PARD3B: variants seen among roughly 807,000 people sequenced by gnomAD.
PARD3B encodes the protein partitioning defective 3 homolog B.
Under a neutral mutation model 130.2 loss-of-function variants are expected in PARD3B, and 103 were observed. That is an observed-to-expected ratio of 0.79 (90% CI 0.67 to 0.93). The LOEUF is 0.93. Among genes scored for constraint, PARD3B ranks in the 40% least tolerant of loss-of-function variants. PARD3B has a pLI of 0.00. For synonymous variants in PARD3B, 583 were observed against 553.2 expected (o/e 1.05, Z -0.76); for missense variants, 1,609 against 1,499.2 (o/e 1.07, Z -1.21).
At chr2:205,052,994 T>C (rs2125428070) in intron 4 of PARD3B, among the ~76,000 whole-genome samples, 1 of 152,148 alleles carries the variant, frequency 6.6e-6, no homozygotes, top group South Asian at 2.1e-4. Context: ...GAAGGGAAAA[T>C]ACAGTGTTCT....
rs138647086 is a variant in PARD3B at position 205,031,584 on chromosome 2, T to C, written c.395-15997T>C. On this transcript the variant is annotated intron_variant, in intron 3 of 22. Coordinates refer to ENST00000406610, the MANE Select transcript of PARD3B (RefSeq NM_001302769.2). The stretch of plus-strand genomic sequence containing the variant: ...GAGTGGTAGGCCTATGTTGTTGAAT[T>C]TTTATCATATTTCCCCTCATCTTGG... Among the ~76,000 whole-genome samples the C allele has an allele frequency of 3.3e-4, 51 of 152,294 alleles. 1 individual carries two copies. Among genetic ancestry groups the C allele is most frequent in the South Asian group, 8.3e-4 (4 of 4,818 alleles).
At chr2:204,607,948 C>T (rs1471997709) in intron 1 of PARD3B, among the ~76,000 whole-genome samples, 11 of 152,146 alleles carry the variant, frequency 7.2e-5, no homozygotes, top group Non-Finnish European at 1.2e-4. Flanking sequence ...ACAATTTGGA[C>T]ATTTAGGAAC....
In PARD3B at chr2:204,626,202, C is replaced by T. The variant is rs144775302; in HGVS notation, c.121-59979C>T. On this transcript the variant is annotated intron_variant, in intron 1 of 22. Coordinates refer to ENST00000406610, the MANE Select transcript of PARD3B (RefSeq NM_001302769.2). ...GTCTGGGTGGCAGATTTTTGAAATG[C>T]CCTAATAAATAACTAAAGAGAAAGC... is the stretch of plus-strand genomic sequence containing the variant. 5.4e-3 allele frequency among the ~76,000 whole-genome samples: 818 copies of T among 152,020 alleles called. 3 individuals are homozygous for T. Among genetic ancestry groups the T allele is most frequent in the Non-Finnish European group, 8.3e-3 (563 of 67,984 alleles).
intron 4 of PARD3B, among the ~76,000 whole-genome samples, chr2:205,060,879 C>T (rs1388822682): frequency 6.6e-6 from 1 of 152,002 alleles, no homozygotes; most frequent in Non-Finnish European, 1.5e-5. Context: ...GGCAGTTTCA[C>T]TAGGGTCATG....
At chr2:204,589,227 A>G (rs2032970216) in intron 1 of PARD3B, among the ~76,000 whole-genome samples, 1 of 152,176 alleles carries the variant, frequency 6.6e-6, no homozygotes, top group Admixed American at 6.5e-5. Context: ...TAAAACAACT[A>G]CTAGAAAATG....
At chr2:205,410,974 T>C (rs2046577152) in intron 19 of PARD3B, among the ~76,000 whole-genome samples, 1 of 152,200 alleles carries the variant, frequency 6.6e-6, no homozygotes, top group Non-Finnish European at 1.5e-5. Context: ...CTCCAAACTT[T>C]GAATATGCTT....
chr2:204,816,188 TTCTGA>T (rs2043139840), intron 2 of PARD3B, among the ~76,000 whole-genome samples: 1 of 151,924 alleles, frequency 6.6e-6, no homozygotes, highest in African/African-American at 2.4e-5. Context: ...GTTTCTGTCC[TTCTGA>T]TCATTGTGCT....
intron 1 of PARD3B, among the ~76,000 whole-genome samples, chr2:204,636,304 G>T (rs574660288): frequency 3.3e-5 from 5 of 152,038 alleles, no homozygotes; most frequent in Non-Finnish European, 7.4e-5. Flanking sequence ...ATTTCAGAGC[G>T]CTGTCTTCAT....
At chr2:204,650,284 T>TA (rs1429298665) in intron 1 of PARD3B, among the ~76,000 whole-genome samples, 1 of 152,130 alleles carries the variant, frequency 6.6e-6, no homozygotes, top group East Asian at 1.9e-4. Context: ...AGGGAACACT[T>TA]ACACATTATT....
In PARD3B at chr2:205,585,726, G is replaced by A. The variant is rs2054173045; in HGVS notation, c.3261-29730G>A. On this transcript the variant is annotated intron_variant, in intron 22 of 22. Coordinates refer to ENST00000406610, the MANE Select transcript of PARD3B (RefSeq NM_001302769.2). This position sits in a 1 kb window ranked among gnomAD's most constrained non-coding sequence, Gnocchi z 5.4. ...CTGCCTCTTCAGGTTTTAGGGCTTT[G>A]AAGGTGGGGAATCAGGAGTCAGCTG... Among the ~76,000 whole-genome samples the A allele has an allele frequency of 6.6e-6, 1 of 152,210 alleles. No individual in the cohort carries two copies. The highest frequency in any genetic ancestry group is 2.4e-5 in the African/African-American group (1 of 41,456).
At chr2:204,687,097 A>AT (rs970125872) in intron 2 of PARD3B, among the ~76,000 whole-genome samples, 2 of 151,772 alleles carry the variant, frequency 1.3e-5, no homozygotes, top group African/African-American at 2.4e-5. Context: ...GTTTCTCTAT[A>AT]TTTTTTCCCT....
chr2:205,351,524 G>A lies in PARD3B; in HGVS notation c.2631-49489G>A, dbSNP rs1172170501. 6.6e-6 allele frequency among the ~76,000 whole-genome samples: 1 copy of A among 152,078 alleles called. No individual in the cohort carries two copies. Among genetic ancestry groups the A allele is most frequent in the African/African-American group, 2.4e-5 (1 of 41,422 alleles). On this transcript the variant is annotated intron_variant, in intron 18 of 22. Transcript: ENST00000406610. The surrounding 1 kb of genome is among the most constrained non-coding windows in gnomAD (Gnocchi z 4.2). ...CAATTTGGGCTGGAGTGAGAGGCGA[G>A]GAAGAAAGCCACAGCCAAGACTTGG...
At chr2:205,046,898 G>T (rs368915305) in intron 3 of PARD3B, among the ~76,000 whole-genome samples, 29 of 152,264 alleles carry the variant, frequency 1.9e-4, no homozygotes, top group African/African-American at 6.7e-4. Context: ...AATTTCATTT[G>T]AACTTTCTAA....
intron 16 of PARD3B, among the ~76,000 whole-genome samples, chr2:205,295,305 C>T (rs1212006821): frequency 6.6e-6 from 1 of 152,098 alleles, no homozygotes; most frequent in Non-Finnish European, 1.5e-5. Context: ...AAGGCAAGGC[C>T]AAATTGATAA....
intron 3 of PARD3B, among the ~76,000 whole-genome samples, chr2:205,039,384 C>G (rs1405812688): frequency 1.3e-5 from 2 of 152,190 alleles, no homozygotes; most frequent in African/African-American, 4.8e-5. Context: ...GTTTTCCTCT[C>G]AGGTACTCAG....
intron 21 of PARD3B, among the ~76,000 whole-genome samples, chr2:205,546,169 A>G (rs1382036685): frequency 6.6e-6 from 1 of 152,226 alleles, no homozygotes; most frequent in Non-Finnish European, 1.5e-5. Flanking sequence ...ACAGGCTGTC[A>G]TAATCCAGCC....
At chr2:204,655,452 T>A (rs552520923) in intron 1 of PARD3B, among the ~76,000 whole-genome samples, 1 of 152,262 alleles carries the variant, frequency 6.6e-6, no homozygotes, top group Admixed American at 6.5e-5. Flanking sequence ...TGCGTTTTCC[T>A]CACTGCTGTT....
chr2:205,379,458 A>G (rs2045221205), intron 18 of PARD3B, among the ~76,000 whole-genome samples: 1 of 151,982 alleles, frequency 6.6e-6, no homozygotes, highest in African/African-American at 2.4e-5. Context: ...ATGAAGTCTA[A>G]TATTATTATA....
intron 3 of PARD3B, among the ~76,000 whole-genome samples, chr2:205,002,227 C>T (rs573551560): frequency 6.6e-6 from 1 of 152,194 alleles, no homozygotes; most frequent in Non-Finnish European, 1.5e-5. Flanking sequence ...GTCTCTCAAA[C>T]AGCCCTGTTT....
Sources: gnomAD v4.1 joint callset for allele counts (sites outside exome capture counted in the v4.1 genomes callset) on GRCh38, gnomAD v4.1.1 for gene constraint, Gnocchi (gnomAD v3.1) non-coding constraint, MANE v1.5 for transcripts, NCBI Gene and HGNC (gene_info 2026-07-23, HGNC 2026-07-21) for gene names.